Variants in DLC1 observed in about 807,000 individuals in gnomAD.
DLC1 encodes the protein rho GTPase-activating protein 7.
DLC1 carries 54 observed loss-of-function variants against 140.3 expected under a neutral mutation model. That is an observed-to-expected ratio of 0.38 (90% CI 0.31 to 0.48). The LOEUF (loss-of-function observed/expected upper bound fraction) is 0.48, where lower values mean the gene tolerates loss of function less well. Ranked by LOEUF, DLC1 falls within the 20% of genes least tolerant of loss-of-function variation. The probability of loss-of-function intolerance (pLI) is 0.96; values close to 1 mark genes in which losing one functional copy is unlikely to be tolerated. For missense variants in DLC1, 2,536 were observed against 1,907.0 expected (o/e 1.33, Z -6.14); for synonymous variants, 986 against 728.1 (o/e 1.35, Z -5.70).
At chr8:13,503,838 T>G (rs141385726) in intron 1 of DLC1, among the ~76,000 whole-genome samples, 12 of 152,344 alleles carry the variant, frequency 7.9e-5, no homozygotes, top group African/African-American at 2.9e-4. Flanking sequence ...AGGATAATAG[T>G]TACAAAGAAA....
chr8:13,525,555 T>C (rs911665970), intron 1 of DLC1, among the ~76,000 whole-genome samples: 5 of 152,346 alleles, frequency 3.3e-5, no homozygotes, highest in African/African-American at 1.2e-4. Context: ...CATTTCTCAT[T>C]GTGGTTTTAA....
At chr8:13,352,000 C>G (rs1270286227) in intron 4 of DLC1, among the ~76,000 whole-genome samples, 1 of 152,200 alleles carries the variant, frequency 6.6e-6, no homozygotes, top group South Asian at 2.1e-4. Context: ...TCCCAAAGTG[C>G]TGGGATTACA....
At chr8:13,401,761 T>C in intron 2 of DLC1, 142 bp from the exon 3 acceptor site, 1 of 1,034,814 alleles carries the variant, frequency 9.7e-7, no homozygotes. Context: ...TTCTGTATCA[T>C]CAATGGGCTC....
chr8:13,273,027 A>C (rs527383822), intron 5 of DLC1, among the ~76,000 whole-genome samples: 15 of 152,350 alleles, frequency 9.8e-5, no homozygotes, highest in African/African-American at 3.1e-4. Context: ...GTATTTCACT[A>C]TCATTGGTTT....
At chr8:13,396,796 A>G (rs535317189) in intron 3 of DLC1, among the ~76,000 whole-genome samples, 15 of 152,232 alleles carry the variant, frequency 9.9e-5, no homozygotes, top group Non-Finnish European at 1.5e-4. Flanking sequence ...TCTCTGTTCA[A>G]TTTGAGAAAT....
Position 13,305,293 on chromosome 8 carries a change from C to G in DLC1, c.1324G>C (p.Gly442Arg). 1 of 1,594,408 alleles carries G rather than the reference C, an allele frequency of 6.3e-7. No homozygotes were observed. Among genetic ancestry groups the G allele is most frequent in the Non-Finnish European group, 8.5e-7 (1 of 1,171,368 alleles). ...CCAGCCTTTTCCTTCTCTGAAATAC[C>G]TTGAATAGCCTGAAAAAAAAGACAC... ...GTKPKTTAIQ[G>R]ISEKEKAEIE... The change falls in exon 5 of 18, where the codon GGT becomes CGT. Residue 442 changes from glycine (G) to arginine (R), a missense_variant. Physicochemically the swap from Gly to Arg is moderately radical, Grantham distance 125. Transcript: ENST00000276297.
rs889726489 is a variant in DLC1 at position 13,214,259 on chromosome 8, C to G, written c.1348+91010G>C. ...CTCAGAATGGTTAAAGAGAGTGGAACGTATGCAAAGGAAGTTTCTTCTAAC... is the reference window on the plus strand; with the variant it reads ...CTCAGAATGGTTAAAGAGAGTGGAAGGTATGCAAAGGAAGTTTCTTCTAAC... On this transcript the variant is annotated intron_variant, in intron 5 of 17. Coordinates refer to ENST00000276297, the MANE Select transcript of DLC1 (RefSeq NM_182643.3). The G allele has an allele frequency of 1.6e-5, 3 of 184,966 alleles. No homozygotes were observed. The South Asian group carries it at 4.0e-4, about 25-fold the overall frequency. 11.5% of individuals were successfully genotyped at this position (184,966 alleles called of 1,614,324 possible).
intron 1 of DLC1, among the ~76,000 whole-genome samples, chr8:13,586,593 A>G (rs984152664): frequency 6.9e-5 from 5 of 72,132 alleles, no homozygotes; most frequent in African/African-American, 2.3e-4. Context: ...GCACATGCAC[A>G]CACACACACA....
intron 5 of DLC1, among the ~76,000 whole-genome samples, chr8:13,277,901 T>G (rs1831231906): frequency 6.6e-6 from 1 of 152,218 alleles, no homozygotes; most frequent in Non-Finnish European, 1.5e-5. Context: ...CAACCCACAC[T>G]GATCTCCTGA....
chr8:13,334,367 G>C (rs35070906), intron 4 of DLC1, among the ~76,000 whole-genome samples: 1,591 of 152,256 alleles, frequency 0.01, 28 homozygotes, highest in African/African-American at 0.036. Flanking sequence ...GGACAGGCCA[G>C]ATCTGTGAGC....
At chr8:13,184,063 A>T (rs1374944649) in intron 5 of DLC1, among the ~76,000 whole-genome samples, 4 of 152,152 alleles carry the variant, frequency 2.6e-5, no homozygotes, top group African/African-American at 9.7e-5. Context: ...TGTGTCCAGG[A>T]ATTTATCCAT....
At position 13,092,828 on chromosome 8, in the gene DLC1, G is replaced by A. The variant is rs753514367; in HGVS notation, c.3527-3C>T. The stretch of plus-strand genomic sequence containing the variant: ...CAGGCGCTGGTCCTTGGGCACATCT[G>A]CACGACACCAGCACTTTCTCCATCA... On this transcript the variant is annotated splice_polypyrimidine_tract_variant and splice_region_variant and intron_variant, in intron 12 of 17. Coordinates refer to ENST00000276297, the MANE Select transcript of DLC1 (RefSeq NM_182643.3). 45 of 1,610,006 alleles carry A rather than the reference G, an allele frequency of 2.8e-5. No individual in the cohort carries two copies. Among genetic ancestry groups the A allele is most frequent in the Non-Finnish European group, 3.2e-5 (38 of 1,177,280 alleles).
At chr8:13,298,733 G>A (rs1046957515) in intron 5 of DLC1, among the ~76,000 whole-genome samples, 1 of 152,150 alleles carries the variant, frequency 6.6e-6, no homozygotes, top group Non-Finnish European at 1.5e-5. Flanking sequence ...GGATTTTCAA[G>A]ACAGGGGATA....
intron 2 of DLC1, among the ~76,000 whole-genome samples, chr8:13,411,027 A>G (rs778209378): frequency 1.3e-5 from 2 of 152,204 alleles, no homozygotes; most frequent in African/African-American, 2.4e-5. Flanking sequence ...GAAAATGAAG[A>G]CCAAGAAACA....
In DLC1 at chr8:13,442,448, C is replaced by T. The variant is rs150312925; in HGVS notation, c.1024-40829G>A. On this transcript the variant is annotated intron_variant, in intron 2 of 17. Transcript: ENST00000276297. ...CAGAATGGGAGAAAATTTTTGCAAT[C>T]TACTCATCTGAAAAAGGGCTAATAT... Among the ~76,000 whole-genome samples the T allele has an allele frequency of 5.6e-3, 851 of 152,254 alleles. 7 individuals carry two copies. Among genetic ancestry groups the T allele is most frequent in the African/African-American group, 0.019 (803 of 41,554 alleles).
chr8:13,465,989 C>A (rs939584256), intron 2 of DLC1, among the ~76,000 whole-genome samples: 1 of 152,152 alleles, frequency 6.6e-6, no homozygotes, highest in African/African-American at 2.4e-5. Context: ...GATTATACAA[C>A]CACCTCCTGG....
At chr8:13,125,757 T>A (rs1295646463) in intron 5 of DLC1, among the ~76,000 whole-genome samples, 1 of 151,862 alleles carries the variant, frequency 6.6e-6, no homozygotes, top group Non-Finnish European at 1.5e-5. Context: ...CTCTTATTCT[T>A]CTGCTTGAGA....
intron 5 of DLC1, among the ~76,000 whole-genome samples, chr8:13,283,208 A>G (rs1159093649): frequency 6.6e-6 from 1 of 152,060 alleles, no homozygotes; most frequent in Non-Finnish European, 1.5e-5. Flanking sequence ...GGTAGGACTC[A>G]AAAGATTGCA....
At chr8:13,357,943 A>G (rs1835025281) in intron 4 of DLC1, among the ~76,000 whole-genome samples, 1 of 152,214 alleles carries the variant, frequency 6.6e-6, no homozygotes. Context: ...CAGATTTTCA[A>G]AAATGCCTGT....
Sources: allele counts gnomAD v4.1 joint callset (sites outside exome capture counted in the v4.1 genomes callset), GRCh38; gene constraint gnomAD v4.1.1; transcripts MANE v1.5; gene names NCBI Gene and HGNC (gene_info 2026-07-23, HGNC 2026-07-21).